Variants in DAB1 observed in about 807,000 individuals in gnomAD.
DAB1 encodes the protein DAB adaptor protein 1.
A neutral mutation model predicts 64.6 loss-of-function variants in DAB1; 15 were observed. The observed-to-expected ratio is 0.23, with a 90% CI of 0.16 to 0.36. The LOEUF (loss-of-function observed/expected upper bound fraction) is 0.36, where lower values mean the gene tolerates loss of function less well. Among genes scored for constraint, DAB1 ranks in the 10% least tolerant of loss-of-function variants. The probability of loss-of-function intolerance (pLI) is 1.00; values close to 1 mark genes in which losing one functional copy is unlikely to be tolerated. For missense variants in DAB1, 596 were observed against 706.7 expected (o/e 0.84, Z 1.78); for synonymous variants, 235 against 251.9 (o/e 0.93, Z 0.64).
At chr1:57,383,993 ATATAT>A (rs536226672) in intron 1 of DAB1, among the ~76,000 whole-genome samples, 140 of 150,714 alleles carry the variant, frequency 9.3e-4, no homozygotes, top group African/African-American at 3.1e-3. Context: ...TTTGCAAATC[ATATAT>A]TATAAGGGGT....
intron 5 of DAB1, among the ~76,000 whole-genome samples, chr1:58,011,590 T>C (rs1646669110): frequency 6.6e-6 from 1 of 152,204 alleles, no homozygotes. Context: ...CTTCTCTCTT[T>C]TCCCTTTAGA....
chr1:58,001,078 C>T (rs1476928711), intron 5 of DAB1, among the ~76,000 whole-genome samples: 1 of 149,786 alleles, frequency 6.7e-6, no homozygotes, highest in African/African-American at 2.5e-5. Flanking sequence ...CCTCATAATC[C>T]CTTCCTCTCC....
intron 5 of DAB1, among the ~76,000 whole-genome samples, chr1:58,014,219 A>T (rs1185361982): frequency 1.3e-5 from 2 of 152,168 alleles, no homozygotes; most frequent in Non-Finnish European, 2.9e-5. Context: ...TGTTCATATT[A>T]TTTCTATTGT....
At chr1:58,518,591 G>T (rs926844645) in intron 2 of DAB1, among the ~76,000 whole-genome samples, 2 of 151,728 alleles carry the variant, frequency 1.3e-5, no homozygotes, top group African/African-American at 4.8e-5. Context: ...AGGACTTGGT[G>T]AAAAAATTAA....
rs181715172 is a variant in DAB1, at chr1:57,338,289, G to A, written c.-136-47123C>T. Among the ~76,000 whole-genome samples the A allele has an allele frequency of 5.6e-3, 847 of 152,108 alleles. 2 individuals carry two copies. The highest frequency in any genetic ancestry group is 0.01 in the Middle Eastern group (3 of 294). Reference sequence around the variant, plus strand: ...AGTGAGCCACCGCACCCAACCTCATGCTTTCTTATTCTCTCTTTACCTTCC... The same window carrying A: ...AGTGAGCCACCGCACCCAACCTCATACTTTCTTATTCTCTCTTTACCTTCC... On this transcript the variant is annotated intron_variant, in intron 1 of 14. Transcript: ENST00000371236.
chr1:58,360,317 A>G (rs1448024052), intron 3 of DAB1, among the ~76,000 whole-genome samples: 1 of 152,214 alleles, frequency 6.6e-6, no homozygotes, highest in East Asian at 1.9e-4. Context: ...GCAAATGCAC[A>G]GTAGTTTGAA....
intron 7 of DAB1, among the ~76,000 whole-genome samples, chr1:57,476,146 A>C (rs1414499697): frequency 6.6e-6 from 1 of 151,802 alleles, no homozygotes; most frequent in Non-Finnish European, 1.5e-5. Context: ...GAATCGCTTG[A>C]ATCTGGGAGG....
intron 6 of DAB1, among the ~76,000 whole-genome samples, chr1:57,691,133 T>C (rs1646758691): frequency 6.6e-6 from 1 of 152,160 alleles, no homozygotes; most frequent in South Asian, 2.1e-4. Context: ...GAGTGGGGAC[T>C]TGGAGAAGTT....
intron 4 of DAB1, among the ~76,000 whole-genome samples, chr1:58,322,669 G>A (rs932704863): frequency 3.9e-5 from 6 of 152,194 alleles, no homozygotes; most frequent in Admixed American, 1.3e-4. Flanking sequence ...AACCATTGTG[G>A]AAGACAATGT....
At chr1:57,925,978 T>C (rs1409971806) in intron 5 of DAB1, among the ~76,000 whole-genome samples, 1 of 152,190 alleles carries the variant, frequency 6.6e-6, no homozygotes, top group Non-Finnish European at 1.5e-5. Context: ...AAGGCCATCA[T>C]ATGGGAGGTC....
upstream of DAB1, among the ~76,000 whole-genome samples, chr1:57,429,017 A>G (rs1416128138): frequency 6.6e-6 from 1 of 150,650 alleles, no homozygotes; most frequent in South Asian, 2.1e-4. Flanking sequence ...GATTCAAGGG[A>G]CTCTTCTGCT....
intron 5 of DAB1, among the ~76,000 whole-genome samples, chr1:58,021,013 G>A (rs115263888): frequency 3.3e-5 from 5 of 152,028 alleles, no homozygotes; most frequent in Non-Finnish European, 7.4e-5. Context: ...CCTGCGCCCC[G>A]CACCCAAAAA....
intron 7 of DAB1, among the ~76,000 whole-genome samples, chr1:57,476,530 A>T (rs1229756548): frequency 2.0e-5 from 3 of 152,160 alleles, no homozygotes; most frequent in African/African-American, 7.2e-5. Context: ...CTGTTTCTTC[A>T]TCTGTAAGAT....
chr1:57,615,916 C>T (rs1645786291), intron 7 of DAB1, among the ~76,000 whole-genome samples: 1 of 152,178 alleles, frequency 6.6e-6, no homozygotes, highest in Admixed American at 6.5e-5. Context: ...ATCGTCATAG[C>T]TGAGTGTGAG....
chr1:58,074,595 T>TA (rs1188769684), intron 5 of DAB1, among the ~76,000 whole-genome samples: 1 of 105,354 alleles, frequency 9.5e-6, no homozygotes, highest in African/African-American at 3.2e-5. Flanking sequence ...TATATATATA[T>TA]TTGAGAAACA....
At chr1:58,254,387 T>A (rs796320497) in intron 4 of DAB1, among the ~76,000 whole-genome samples, 5 of 106,694 alleles carry the variant, frequency 4.7e-5, no homozygotes, top group Admixed American at 1.8e-4. Context: ...TTATTTATTT[T>A]TTTTTCTATT....
chr1:57,124,231 C>T (rs1656925676), intron 4 of DAB1, among the ~76,000 whole-genome samples: 2 of 152,160 alleles, frequency 1.3e-5, no homozygotes, highest in African/African-American at 4.8e-5. Context: ...AGTTTTTGTT[C>T]AGTGCAAAGG....
intron 4 of DAB1, among the ~76,000 whole-genome samples, chr1:58,319,631 C>T (rs985334081): frequency 2.0e-5 from 3 of 152,144 alleles, no homozygotes; most frequent in Non-Finnish European, 2.9e-5. Flanking sequence ...TTATATATTA[C>T]ATCTTCAGTT....
At chr1:57,070,709 A>G (rs1048026375) in intron 7 of DAB1, 11 of 355,160 alleles carry the variant, frequency 3.1e-5, no homozygotes, top group Middle Eastern at 8.8e-4. Flanking sequence ...TCTCTAATGA[A>G]CTCAGAATAT....
Sources: gnomAD v4.1 joint callset for allele counts (sites outside exome capture counted in the v4.1 genomes callset) on GRCh38, gnomAD v4.1.1 for gene constraint, MANE v1.5 for transcripts, NCBI Gene and HGNC (gene_info 2026-07-23, HGNC 2026-07-21) for gene names.